The following MRAP variants were observed in gnomAD, a reference collection of about 807,000 sequenced individuals.
The protein encoded by MRAP is melanocortin 2 receptor accessory protein.
A neutral mutation model predicts 8.7 loss-of-function variants in MRAP; 8 were observed. The ratio of observed to expected loss-of-function variants is 0.92; its 90% CI spans 0.54 to 1.66. MRAP has a LOEUF of 1.66. Among genes scored for constraint, MRAP ranks in the 40% most tolerant of loss-of-function variants. The probability of loss-of-function intolerance (pLI) is 0.00; values close to 1 mark genes in which losing one functional copy is unlikely to be tolerated. For synonymous variants in MRAP, 95 were observed against 95.5 expected (o/e 1.00, Z 0.03); for missense variants, 237 against 217.1 (o/e 1.09, Z -0.58).
At chr21:32,307,894 T>C (rs986004757) in intron 2 of MRAP, among the ~76,000 whole-genome samples, 5 of 151,990 alleles carry the variant, frequency 3.3e-5, no homozygotes, top group African/African-American at 1.2e-4. Flanking sequence ...CAAAAAGTTC[T>C]AAAATTAGAT....
intron 1 of MRAP, among the ~76,000 whole-genome samples, chr21:32,300,379 CAG>C (rs1350806500): frequency 6.8e-5 from 10 of 147,604 alleles, no homozygotes; most frequent in East Asian, 6.2e-4. Context: ...CATCCTATGT[CAG>C]GGGCGTCACG....
chr21:32,314,467 G>T (rs552066667), downstream of MRAP: 3 of 1,298,292 alleles, frequency 2.3e-6, no homozygotes, highest in African/African-American at 4.4e-5. Context: ...TTATAGGCGT[G>T]AGCCACCTCA....
chr21:32,307,351 G>T lies in MRAP; in HGVS notation c.206+612G>T, dbSNP rs957479610. ...GCACTTTGGGAGGCTGAGATGGGTG[G>T]ATCACTTGAGGTCAGGAGTTCAAGT... On this transcript the variant is annotated intron_variant, in intron 2 of 2. Coordinates refer to ENST00000303645, the MANE Select transcript of MRAP (RefSeq NM_001379228.1). Among the ~76,000 whole-genome samples the T allele has an allele frequency of 3.9e-5, 6 of 152,024 alleles. No individual in the cohort carries two copies. In the East Asian group the frequency reaches 9.7e-4, roughly 25 times the overall value.
chr21:32,297,682 T>C (rs1226772327), upstream of MRAP, among the ~76,000 whole-genome samples: 1 of 152,124 alleles, frequency 6.6e-6, no homozygotes, highest in Admixed American at 6.5e-5. Flanking sequence ...ACCCAGCGAG[T>C]GTCTACCAAG....
intron 1 of MRAP, among the ~76,000 whole-genome samples, chr21:32,302,777 G>C (rs1341366137): frequency 1.3e-5 from 2 of 152,152 alleles, no homozygotes; most frequent in Non-Finnish European, 2.9e-5. Context: ...CTGGAGGGAG[G>C]CTCCTAGAAG....
intron 2 of MRAP, 109 bp downstream of exon 2, chr21:32,306,848 G>C (rs2032433179): frequency 4.5e-6 from 4 of 898,222 alleles, no homozygotes; most frequent in Non-Finnish European, 7.3e-6. Flanking sequence ...AAGTGTTTCA[G>C]ATTTGGGATT....
At chr21:32,295,245 A>G (rs553392442), upstream of MRAP, among the ~76,000 whole-genome samples, 77 of 152,310 alleles carry the variant, frequency 5.1e-4, no homozygotes, top group Non-Finnish European at 9.0e-4. Context: ...TAAAGTACAC[A>G]TGGAAGGGGG....
At position 32,312,006 on chromosome 21, in the gene MRAP, A is replaced by G. The variant is rs374466622; in HGVS notation, c.*10A>G. 3 of 1,613,000 alleles carry G rather than the reference A, an allele frequency of 1.9e-6. No homozygotes were observed. The highest frequency in any genetic ancestry group is 2.5e-6 in the Non-Finnish European group (3 of 1,180,034). On this transcript the variant is annotated 3_prime_UTR_variant, in exon 3 of 3. Coordinates refer to ENST00000303645, the MANE Select transcript of MRAP (RefSeq NM_001379228.1). ...TCAATTGCAGAGCTGATGTCAGTAA[A>G]TCGTGGCCATAGCTGAGTGAACTGG...
chr21:32,302,897 G>T (rs1199599984), intron 1 of MRAP, among the ~76,000 whole-genome samples: 1 of 151,692 alleles, frequency 6.6e-6, no homozygotes, highest in Non-Finnish European at 1.5e-5. Context: ...CAAGTGTCCT[G>T]CTAAAAGCAA....
chr21:32,293,342 T>C (rs1018494385), intron 2 of MRAP, among the ~76,000 whole-genome samples: 1 of 148,350 alleles, frequency 6.7e-6, no homozygotes. Context: ...AAAAAAAAAA[T>C]AGAAATTGAC....
At chr21:32,309,544 C>A (rs1239976458) in intron 2 of MRAP, among the ~76,000 whole-genome samples, 1 of 151,390 alleles carries the variant, frequency 6.6e-6, no homozygotes, top group Non-Finnish European at 1.5e-5. Flanking sequence ...CTCCACCTCC[C>A]AAGTTCAAGC....
At position 32,298,944 on chromosome 21, in the gene MRAP, C is replaced by G. The variant is rs1467317191; in HGVS notation, c.-28C>G. 8 of 1,572,192 alleles carry G rather than the reference C, an allele frequency of 5.1e-6. No homozygotes were observed. In the African/African-American group the frequency reaches 8.1e-5, roughly 16 times the overall value. ...CTGGCTCGAGGCGAGGCTGCCGGCC[C>G]GGACGCTGACTGCCCAGTGCCACAG... is the stretch of plus-strand genomic sequence containing the variant. On this transcript the variant is annotated 5_prime_UTR_variant, in exon 1 of 3. Coordinates refer to ENST00000303645, the MANE Select transcript of MRAP (RefSeq NM_001379228.1).
At chr21:32,304,847 G>A (rs564716194) in intron 1 of MRAP, among the ~76,000 whole-genome samples, 1 of 152,032 alleles carries the variant, frequency 6.6e-6, no homozygotes, top group African/African-American at 2.4e-5. Flanking sequence ...CCCTGCCCCC[G>A]TGGAGTGTAA....
chr21:32,294,411 G>A (rs531736723), upstream of MRAP, among the ~76,000 whole-genome samples: 3 of 152,244 alleles, frequency 2.0e-5, no homozygotes, highest in African/African-American at 7.2e-5. Flanking sequence ...CGCCGCACCC[G>A]GACAGGTGTC....
chr21:32,298,745 G>C (rs562603986), upstream of MRAP: 19 of 495,698 alleles, frequency 3.8e-5, no homozygotes, highest in Middle Eastern at 1.2e-3. Flanking sequence ...TTATCAAGAA[G>C]GGGCAGATGG....
chr21:32,296,691 T>C (rs1259745274), upstream of MRAP, among the ~76,000 whole-genome samples: 1 of 152,212 alleles, frequency 6.6e-6, no homozygotes, highest in Non-Finnish European at 1.5e-5. Flanking sequence ...TAAGGATTTA[T>C]GATAGTATTA....
upstream of MRAP, among the ~76,000 whole-genome samples, chr21:32,298,070 C>G (rs1569024647): frequency 6.6e-6 from 1 of 152,174 alleles, no homozygotes; most frequent in African/African-American, 2.4e-5. Flanking sequence ...AGGCTAAATT[C>G]TAGGGTTCCT....
rs2032483841 is a variant in MRAP at position 32,308,946 on chromosome 21, G to A, written c.206+2207G>A. Among the ~76,000 whole-genome samples, 3 of 152,140 alleles carry A rather than the reference G, an allele frequency of 2.0e-5. No individual in the cohort carries two copies. The South Asian group carries it at 6.2e-4, about 32-fold the overall frequency. ...AAACTGTGCTGAGGAAGAGCTGAGT[G>A]GCCTTGGAGCCCCTGAGCCAGTGCG... On this transcript the variant is annotated intron_variant, in intron 2 of 2. Coordinates refer to ENST00000303645, the MANE Select transcript of MRAP (RefSeq NM_001379228.1).
chr21:32,299,583 G>A (rs1172459388), intron 1 of MRAP, among the ~76,000 whole-genome samples: 2 of 152,044 alleles, frequency 1.3e-5, no homozygotes, highest in African/African-American at 4.8e-5. Context: ...CCCCAATCTC[G>A]GCTTCCCAAA....
Sources: gnomAD v4.1 joint callset for allele counts (sites outside exome capture counted in the v4.1 genomes callset) on GRCh38, gnomAD v4.1.1 for gene constraint, MANE v1.5 for transcripts, NCBI Gene and HGNC (gene_info 2026-07-23, HGNC 2026-07-21) for gene names.